Variants in KCNG3 observed in about 807,000 individuals in gnomAD.
KCNG3 encodes the protein voltage-gated potassium channel regulatory subunit KCNG3.
In KCNG3, 15 loss-of-function variants were observed where a neutral mutation model predicts 29.0. The ratio of observed to expected loss-of-function variants is 0.52; its 90% CI spans 0.35 to 0.80. The LOEUF (loss-of-function observed/expected upper bound fraction) is 0.80. Among genes scored for constraint, KCNG3 ranks in the 30% least tolerant of loss-of-function variants. The probability of loss-of-function intolerance (pLI) is 0.01; values close to 1 mark genes in which losing one functional copy is unlikely to be tolerated. For synonymous variants in KCNG3, 322 were observed against 248.9 expected (o/e 1.29, Z -2.76); for missense variants, 512 against 605.7 (o/e 0.85, Z 1.62).
chr2:42,391,159 T>C, the KCNG3 span, among the ~76,000 whole-genome samples: 749 of 152,316 alleles, frequency 4.9e-3, 5 homozygotes, highest in African/African-American at 0.017. Flanking sequence ...TCATTATGTC[T>C]TGTGTCTTTA....
In KCNG3 at chr2:42,443,207, A is replaced by G. The variant is rs1413455273; in HGVS notation, c.*727T>C. ...ATGAATTCAAATATTATCCAGTAAG[A>G]TGCTAAACAACACAAGCTCTCGTCA... On this transcript the variant is annotated 3_prime_UTR_variant, in exon 2 of 2. Transcript: ENST00000306078. 6.6e-6 allele frequency: 1 copy of G among 152,252 alleles called. No individual in the cohort carries two copies. Among genetic ancestry groups the G allele is most frequent in the African/African-American group, 2.4e-5 (1 of 41,466 alleles). The allele number at this position is 152,252 out of a possible 1,614,324, so 9.4% of individuals were successfully genotyped here.
intron 1 of KCNG3, among the ~76,000 whole-genome samples, chr2:42,472,820 CTAGATATCTATATA>C (rs1189643367): frequency 4.8e-5 from 7 of 145,308 alleles, no homozygotes; most frequent in African/African-American, 1.8e-4. Context: ...ATCGATATAT[CTAGATATCTATATA>C]TAGATATCTA....
chr2:42,477,428 T>TATA (rs555547207), intron 1 of KCNG3, among the ~76,000 whole-genome samples: 420 of 18,962 alleles, frequency 0.022, 8 homozygotes, highest in African/African-American at 0.07. Context: ...CACACATATA[T>TATA]TTTTTTTTTT....
intron 1 of KCNG3, among the ~76,000 whole-genome samples, chr2:42,468,383 T>C (rs1283589760): frequency 6.6e-6 from 1 of 152,026 alleles, no homozygotes; most frequent in African/African-American, 2.4e-5. Context: ...AATTGAACCA[T>C]CATAAATTAG....
chr2:42,420,945 T>C, the KCNG3 span, among the ~76,000 whole-genome samples: 1 of 152,216 alleles, frequency 6.6e-6, no homozygotes, highest in Non-Finnish European at 1.5e-5. Context: ...GTTGTATCCT[T>C]AGCCCAGACC....
downstream of KCNG3, among the ~76,000 whole-genome samples, chr2:42,437,537 ATT>A (rs1180616404): frequency 1.3e-5 from 2 of 152,316 alleles, no homozygotes; most frequent in Admixed American, 1.3e-4. Flanking sequence ...CCTTACACAG[ATT>A]TTATGATTTG....
At chr2:42,470,013 G>T (rs747875457) in intron 1 of KCNG3, 2 of 503,186 alleles carry the variant, frequency 4.0e-6, no homozygotes, top group Non-Finnish European at 3.6e-6. Context: ...TTTGTGACAG[G>T]CAATAAAATC....
At chr2:42,448,720 T>A (rs1305966471) in intron 1 of KCNG3, among the ~76,000 whole-genome samples, 3 of 152,180 alleles carry the variant, frequency 2.0e-5, no homozygotes, top group African/African-American at 7.2e-5. Context: ...CCGGGAGCGG[T>A]GGCTCATGCC....
the KCNG3 span, among the ~76,000 whole-genome samples, chr2:42,396,352 G>A: frequency 6.6e-6 from 1 of 152,190 alleles, no homozygotes; most frequent in African/African-American, 2.4e-5. Context: ...CATCAGATAT[G>A]CCAAAATGTT....
chr2:42,452,770 GGT>G (rs57111452), intron 1 of KCNG3, among the ~76,000 whole-genome samples: 16,627 of 150,118 alleles, frequency 0.11, 1,156 homozygotes, highest in South Asian at 0.29. Flanking sequence ...CATTCAACTG[GGT>G]GTGTGTGTGT....
At chr2:42,393,930 G>A in the KCNG3 span, among the ~76,000 whole-genome samples, 86 of 152,090 alleles carry the variant, frequency 5.7e-4, no homozygotes, top group African/African-American at 1.9e-3. Context: ...ACAGGTGCCC[G>A]ACACCATGCC....
the KCNG3 span, among the ~76,000 whole-genome samples, chr2:42,411,205 G>A: frequency 4.0e-5 from 6 of 151,828 alleles, no homozygotes; most frequent in South Asian, 6.2e-4. Context: ...TTTAAGATCT[G>A]GTATGTCCAG....
At chr2:42,415,916 C>T in the KCNG3 span, among the ~76,000 whole-genome samples, 3 of 152,062 alleles carry the variant, frequency 2.0e-5, no homozygotes, top group African/African-American at 7.2e-5. Flanking sequence ...GAGTAGAGGC[C>T]GGGCGCAGTG....
chr2:42,457,670 A>ACACAC (rs1572847566), intron 1 of KCNG3, among the ~76,000 whole-genome samples: 2 of 32,466 alleles, frequency 6.2e-5, no homozygotes, highest in East Asian at 8.5e-4. Context: ...CACACACACA[A>ACACAC]GGCTGGGCGC....
intron 1 of KCNG3, among the ~76,000 whole-genome samples, chr2:42,453,062 G>A (rs998685050): frequency 6.6e-6 from 1 of 152,184 alleles, no homozygotes; most frequent in African/African-American, 2.4e-5. Flanking sequence ...GATTACAGGC[G>A]TGGGCCACTG....
At chr2:42,481,897 C>T (rs1310737031) in intron 1 of KCNG3, among the ~76,000 whole-genome samples, 2 of 152,238 alleles carry the variant, frequency 1.3e-5, no homozygotes, top group East Asian at 1.9e-4. Flanking sequence ...ACACTCTGCA[C>T]ACCCCTTATT....
chr2:42,473,447 T>A (rs1343448401), intron 1 of KCNG3, among the ~76,000 whole-genome samples: 1 of 151,846 alleles, frequency 6.6e-6, no homozygotes, highest in Non-Finnish European at 1.5e-5. Context: ...CCTCCCAGGT[T>A]CAAGGGATTC....
At chr2:42,441,476 T>C (rs1672476900), downstream of KCNG3, among the ~76,000 whole-genome samples, 2 of 152,006 alleles carry the variant, frequency 1.3e-5, no homozygotes, top group Non-Finnish European at 2.9e-5. Context: ...AAACACAACA[T>C]CCATGAAGAC....
the KCNG3 span, among the ~76,000 whole-genome samples, chr2:42,432,084 T>G: frequency 1.3e-5 from 2 of 149,032 alleles, no homozygotes; most frequent in Non-Finnish European, 3.0e-5. Context: ...GACCCCAGAA[T>G]GGGTCTTCAA....
Sources: allele counts gnomAD v4.1 joint callset (sites outside exome capture counted in the v4.1 genomes callset), GRCh38; gene constraint gnomAD v4.1.1; transcripts MANE v1.5; gene names NCBI Gene and HGNC (gene_info 2026-07-23, HGNC 2026-07-21).